Variants in FOXP2 observed in about 807,000 individuals in gnomAD.
The protein encoded by FOXP2 is forkhead box P2.
A neutral mutation model predicts 115.8 loss-of-function variants in FOXP2; 12 were observed. The ratio of observed to expected loss-of-function variants is 0.10; its 90% CI spans 0.07 to 0.17. The LOEUF (loss-of-function observed/expected upper bound fraction) is 0.17, where lower values mean the gene tolerates loss of function less well. Ranked by LOEUF, FOXP2 falls within the 10% of genes least tolerant of loss-of-function variation. The pLI is 1.00. For synonymous variants in FOXP2, 328 were observed against 297.7 expected, an observed-to-expected ratio of 1.10 and a Z score of -1.05; for missense variants, 629 against 843.5, an observed-to-expected ratio of 0.75 and a Z score of 3.15.
At chr7:114,153,888 T>C (rs889935333) in intron 1 of FOXP2, among the ~76,000 whole-genome samples, 2 of 152,166 alleles carry the variant, frequency 1.3e-5, no homozygotes, top group African/African-American at 4.8e-5. Context: ...GAAGCCATTG[T>C]GTTGTAAGCC....
chr7:114,598,001 A>G (rs1346786060), intron 3 of FOXP2, among the ~76,000 whole-genome samples: 1 of 152,146 alleles, frequency 6.6e-6, no homozygotes, highest in African/African-American at 2.4e-5. Flanking sequence ...ACTACTTCAT[A>G]TTCTTATATC....
chr7:114,409,373 T>C (rs553069608), upstream of FOXP2, among the ~76,000 whole-genome samples: 18 of 152,158 alleles, frequency 1.2e-4, no homozygotes, highest in Non-Finnish European at 1.9e-4. Flanking sequence ...TAAGAGCATA[T>C]AACAAGAACT....
intron 2 of FOXP2, among the ~76,000 whole-genome samples, chr7:114,496,561 C>A (rs1375201262): frequency 6.6e-6 from 1 of 152,020 alleles, no homozygotes; most frequent in Non-Finnish European, 1.5e-5. Flanking sequence ...GGAAAACTTT[C>A]AGAAACTGAT....
chr7:114,539,824 A>G (rs545880064), intron 3 of FOXP2, among the ~76,000 whole-genome samples: 1 of 152,158 alleles, frequency 6.6e-6, no homozygotes, highest in East Asian at 1.9e-4. Context: ...AACTTACCAT[A>G]TGATCTACTC....
chr7:114,424,250 A>G (rs185231687), intron 1 of FOXP2, among the ~76,000 whole-genome samples: 14 of 151,488 alleles, frequency 9.2e-5, no homozygotes, highest in East Asian at 3.9e-4. Context: ...AATTCATCCA[A>G]TTGGTCCTGA....
chr7:114,120,930 A>T (rs1791545950), intron 1 of FOXP2, among the ~76,000 whole-genome samples: 1 of 152,030 alleles, frequency 6.6e-6, no homozygotes, highest in Non-Finnish European at 1.5e-5. Context: ...ATGCAATTTG[A>T]TGGTCGGATG....
intron 3 of FOXP2, among the ~76,000 whole-genome samples, chr7:114,621,652 G>A (rs780331086): frequency 9.2e-5 from 14 of 151,818 alleles, no homozygotes; most frequent in Non-Finnish European, 1.8e-4. Context: ...ATTCTTCTTC[G>A]AAGTTGATGT....
chr7:114,677,468 C>T (rs1036166301), intron 16 of FOXP2, among the ~76,000 whole-genome samples: 4 of 152,066 alleles, frequency 2.6e-5, no homozygotes, highest in African/African-American at 9.7e-5. Context: ...AAAATAGGAA[C>T]GGTTTATAGA....
chr7:114,502,412 G>A (rs115521391), intron 2 of FOXP2, among the ~76,000 whole-genome samples: 97 of 152,200 alleles, frequency 6.4e-4, no homozygotes, highest in African/African-American at 2.2e-3. Flanking sequence ...CAACAGAGCT[G>A]CCAAACTGTC....
At chr7:114,464,418 C>G (rs1328152054) in intron 2 of FOXP2, among the ~76,000 whole-genome samples, 2 of 152,128 alleles carry the variant, frequency 1.3e-5, no homozygotes, top group South Asian at 2.1e-4. Flanking sequence ...ACCACACTGT[C>G]TGTTTTGACT....
intron 11 of FOXP2, among the ~76,000 whole-genome samples, 189 bp downstream of exon 11, chr7:114,658,456 A>G (rs1414277156): frequency 1.3e-5 from 2 of 152,126 alleles, no homozygotes; most frequent in African/African-American, 4.8e-5. Context: ...ATTGTTCTGA[A>G]TGGTTGTTCA....
chr7:114,464,245 GGAGA>G (rs1413671284), intron 2 of FOXP2, among the ~76,000 whole-genome samples: 2 of 151,994 alleles, frequency 1.3e-5, no homozygotes, highest in African/African-American at 4.8e-5. Context: ...GAGAGAGGGA[GGAGA>G]GAGAGAAAAA....
rs78203384 is a variant in FOXP2, at chr7:114,294,977, T to C, written c.-11+6868T>C. Among the ~76,000 whole-genome samples the C allele has an allele frequency of 6.2e-4, 95 of 152,234 alleles. 4 individuals carry two copies. The East Asian group carries it at 0.017, about 28-fold the overall frequency. ...CCATAATTCCAAATTTCATTCCTATTGATGTGATGATAGAATTTGGACAAA... is the reference window on the plus strand; with the variant it reads ...CCATAATTCCAAATTTCATTCCTATCGATGTGATGATAGAATTTGGACAAA... On this transcript the variant is annotated intron_variant, in intron 2 of 17. Coordinates refer to the FOXP2 transcript ENST00000634411.
chr7:114,513,374 G>T (rs901943475), intron 2 of FOXP2, among the ~76,000 whole-genome samples: 1 of 151,764 alleles, frequency 6.6e-6, no homozygotes, highest in African/African-American at 2.4e-5. Flanking sequence ...AATTAGTAAG[G>T]GTATCAAAAT....
At chr7:114,669,748 C>G (rs1424936173) in intron 16 of FOXP2, 1 of 151,986 alleles carries the variant, frequency 6.6e-6, no homozygotes, top group Non-Finnish European at 1.5e-5. Context: ...CATACTGATA[C>G]AATCAATCCA....
chr7:114,462,566 T>G (rs1435424767), intron 2 of FOXP2, among the ~76,000 whole-genome samples: 1 of 151,890 alleles, frequency 6.6e-6, no homozygotes, highest in Non-Finnish European at 1.5e-5. Context: ...GAGACGGGGT[T>G]TGGCCATGTT....
intron 6 of FOXP2, among the ~76,000 whole-genome samples, chr7:114,632,647 C>T (rs943141122): frequency 4.6e-5 from 7 of 152,042 alleles, no homozygotes; most frequent in Non-Finnish European, 8.8e-5. Flanking sequence ...TCAGGAGTAT[C>T]GTGGTAATGT....
In FOXP2 at chr7:114,427,302, C is replaced by T. The variant is rs537688281; in HGVS notation, c.168+623C>T. Among the ~76,000 whole-genome samples the T allele has an allele frequency of 4.6e-5, 7 of 151,212 alleles. No individual in the cohort carries two copies. The South Asian group carries it at 1.5e-3, about 31-fold the overall frequency. Reference sequence around the variant, plus strand: ...AGTGTCTCATAAAATGCAATATTCTCTTTAAATCTGGAAATGTTAACAACT... The same window carrying T: ...AGTGTCTCATAAAATGCAATATTCTTTTTAAATCTGGAAATGTTAACAACT... On this transcript the variant is annotated intron_variant, in intron 2 of 16. Transcript: ENST00000350908.
At chr7:114,265,449 C>A (rs948186486) in intron 1 of FOXP2, among the ~76,000 whole-genome samples, 1 of 152,150 alleles carries the variant, frequency 6.6e-6, no homozygotes, top group Non-Finnish European at 1.5e-5. Flanking sequence ...GCAGCTCTTC[C>A]CCTGTGACAT....
Sources: gnomAD v4.1 joint callset for allele counts (sites outside exome capture counted in the v4.1 genomes callset) on GRCh38, gnomAD v4.1.1 for gene constraint, MANE v1.5 for transcripts, NCBI Gene and HGNC (gene_info 2026-07-23, HGNC 2026-07-21) for gene names.